The following CNTNAP5 variants were observed in gnomAD, a reference collection of about 807,000 sequenced individuals.
CNTNAP5 encodes contactin-associated protein-like 5.
In CNTNAP5, 72 loss-of-function variants were observed where a neutral mutation model predicts 150.2. The observed-to-expected ratio is 0.48, with a 90% CI of 0.40 to 0.58. CNTNAP5 has a LOEUF of 0.58. CNTNAP5 is among the 20% of genes least tolerant of loss of function. CNTNAP5 has a pLI of 0.00. For synonymous variants in CNTNAP5, 672 were observed against 619.8 expected (o/e 1.08, Z -1.25); for missense variants, 1,636 against 1,626.2 (o/e 1.01, Z -0.10).
chr2:124,574,194 G>A (rs191014384), intron 11 of CNTNAP5, among the ~76,000 whole-genome samples: 7 of 151,956 alleles, frequency 4.6e-5, no homozygotes, highest in Admixed American at 2.6e-4. Flanking sequence ...GGCAGGTTGC[G>A]GGGGGGACGG....
At chr2:124,852,862 A>G (rs7557008) in intron 19 of CNTNAP5, among the ~76,000 whole-genome samples, 40,162 of 152,132 alleles carry the variant, frequency 0.26, 8,025 homozygotes, top group African/African-American at 0.56. Flanking sequence ...GTTCTGGTCA[A>G]GAAAATGAAA....
chr2:124,672,071 C>A lies in CNTNAP5; in HGVS notation c.2077+24113C>A, dbSNP rs535169890. Among the ~76,000 whole-genome samples, 113 of 152,276 alleles carry A rather than the reference C, an allele frequency of 7.4e-4. 4 individuals carry two copies. The South Asian group carries it at 0.023, about 31-fold the overall frequency. ...TACACAAGAGAAATTTGTTTTACCT[C>A]CTCACATTTCTGAAGGCTGGAAACC... On this transcript the variant is annotated intron_variant, in intron 13 of 23. Transcript: ENST00000682447.
intron 16 of CNTNAP5, among the ~76,000 whole-genome samples, chr2:124,766,711 G>A (rs1203685616): frequency 6.6e-6 from 1 of 152,116 alleles, no homozygotes; most frequent in Non-Finnish European, 1.5e-5. Context: ...ATAAAAATCA[G>A]GCCCCATGGC....
intron 3 of CNTNAP5, among the ~76,000 whole-genome samples, chr2:124,362,616 T>C (rs11688892): frequency 6.6e-6 from 1 of 152,144 alleles, no homozygotes; most frequent in East Asian, 1.9e-4. Context: ...AAAACTGTTA[T>C]TTATGGGGCT....
intron 1 of CNTNAP5, among the ~76,000 whole-genome samples, chr2:124,145,811 T>TAAAAAAAAAAAAAAAAAAAAAAAAA (rs761766577): frequency 7.8e-5 from 1 of 12,788 alleles, no homozygotes. Flanking sequence ...AAAAAAAACA[T>TAAAAAAAAAAAAAAAAAAAAAAAAA]TAAAAAAAAA....
intron 22 of CNTNAP5, among the ~76,000 whole-genome samples, chr2:124,907,891 A>G (rs1019338971): frequency 7.9e-5 from 12 of 151,296 alleles, no homozygotes; most frequent in Middle Eastern, 3.4e-3. Flanking sequence ...GCTTTAATAA[A>G]TATTAGTTAG....
intron 3 of CNTNAP5, among the ~76,000 whole-genome samples, chr2:124,402,682 G>A (rs762582153): frequency 6.6e-6 from 1 of 152,196 alleles, no homozygotes; most frequent in Non-Finnish European, 1.5e-5. Context: ...CAAATTCTGA[G>A]TGGTCTTTTA....
intron 13 of CNTNAP5, among the ~76,000 whole-genome samples, chr2:124,713,119 TA>T (rs1488945706): frequency 6.6e-6 from 1 of 152,094 alleles, no homozygotes; most frequent in African/African-American, 2.4e-5. Context: ...TATGGGACTG[TA>T]ACAATGTCTT....
rs183804927 is a variant in CNTNAP5 at position 124,707,179 on chromosome 2, A to T, written c.2078-40050A>T. ...AAGAAGAAGAAGAAGAAGAAGAAGA[A>T]GAAGAAGAAGAAGAAGAAGAAGAAG... is the stretch of plus-strand genomic sequence containing the variant. On this transcript the variant is annotated intron_variant, in intron 13 of 23. Transcript: ENST00000682447. Among the ~76,000 whole-genome samples the T allele has an allele frequency of 2.8e-3, 386 of 138,598 alleles. 9 individuals carry two copies. The highest frequency in any genetic ancestry group is 8.6e-3 in the South Asian group (37 of 4,316). 90.9% of individuals were successfully genotyped at this position (138,598 alleles called of 152,430 possible). A position where few individuals can be genotyped will look rare whatever the true frequency, so the allele number is the denominator to read the frequency against.
intron 11 of CNTNAP5, among the ~76,000 whole-genome samples, chr2:124,578,216 G>A (rs1335167203): frequency 1.3e-5 from 2 of 148,658 alleles, no homozygotes; most frequent in Admixed American, 6.7e-5. Context: ...TGTAATCCCA[G>A]CTACCTGGGA....
chr2:124,110,480 G>C (rs143219715), intron 1 of CNTNAP5, among the ~76,000 whole-genome samples: 98 of 152,240 alleles, frequency 6.4e-4, no homozygotes, highest in Admixed American at 5.4e-3. Context: ...ATATTAAAGA[G>C]AAATAAACAA....
At chr2:124,437,579 C>A (rs968731719) in intron 5 of CNTNAP5, among the ~76,000 whole-genome samples, 3 of 152,052 alleles carry the variant, frequency 2.0e-5, no homozygotes, top group Non-Finnish European at 4.4e-5. Flanking sequence ...ACTCTTACAA[C>A]CTGGTTATCT....
intron 10 of CNTNAP5, among the ~76,000 whole-genome samples, chr2:124,550,275 T>A (rs1386391027): frequency 1.3e-5 from 2 of 152,172 alleles, no homozygotes; most frequent in Non-Finnish European, 2.9e-5. Context: ...CTGAACCATC[T>A]CTACAGAATG....
At chr2:124,029,238 T>C (rs113170763) in intron 1 of CNTNAP5, among the ~76,000 whole-genome samples, 1 of 152,066 alleles carries the variant, frequency 6.6e-6, no homozygotes, top group Non-Finnish European at 1.5e-5. Context: ...AATAAGGAGA[T>C]GAACTATACT....
chr2:124,263,163 C>A (rs1367976395), intron 3 of CNTNAP5, among the ~76,000 whole-genome samples: 1 of 151,946 alleles, frequency 6.6e-6, no homozygotes, highest in Non-Finnish European at 1.5e-5. Context: ...GGGTATATAC[C>A]CAGTAATGAG....
chr2:124,329,762 T>G (rs181212816), intron 3 of CNTNAP5, among the ~76,000 whole-genome samples: 1 of 152,280 alleles, frequency 6.6e-6, no homozygotes, highest in East Asian at 1.9e-4. Context: ...AGGCTTCCCA[T>G]TAAAGTTAAG....
chr2:124,914,596 G>A lies in CNTNAP5; in HGVS notation c.*308G>A, dbSNP rs1326008199. ...CTGCATGTTCAGTTCTGTACTTCCA[G>A]TTTCTAAAATGCACTGTTCAGTTTT... On this transcript the variant is annotated 3_prime_UTR_variant, in exon 24 of 24. Coordinates refer to ENST00000682447, the MANE Select transcript of CNTNAP5 (RefSeq NM_001367498.1). 2 of 230,762 alleles carry A rather than the reference G, an allele frequency of 8.7e-6. No homozygotes were observed. Among genetic ancestry groups the A allele is most frequent in the Non-Finnish European group, 1.7e-5 (2 of 117,192 alleles). The allele number at this position is 230,762 out of a possible 1,614,324, so 14.3% of individuals were successfully genotyped here.
chr2:124,215,088 C>A (rs1429946576), intron 1 of CNTNAP5, among the ~76,000 whole-genome samples: 1 of 152,142 alleles, frequency 6.6e-6, no homozygotes, highest in African/African-American at 2.4e-5. Context: ...AAGCAAAAGG[C>A]ATGAGTTGTC....
At chr2:124,319,226 A>C (rs997131315) in intron 3 of CNTNAP5, among the ~76,000 whole-genome samples, 1 of 152,212 alleles carries the variant, frequency 6.6e-6, no homozygotes, top group African/African-American at 2.4e-5. Flanking sequence ...ATTAATTAAC[A>C]TGCTCATTAA....
Sources: allele counts gnomAD v4.1 joint callset (sites outside exome capture counted in the v4.1 genomes callset), GRCh38; gene constraint gnomAD v4.1.1; transcripts MANE v1.5; gene names NCBI Gene and HGNC (gene_info 2026-07-23, HGNC 2026-07-21).